Variants in TAFA1 observed in about 807,000 individuals in gnomAD.
TAFA1 encodes the protein TAFA chemokine like family member 1, also known as chemokine-like protein TAFA-1.
In TAFA1, 4 loss-of-function variants were observed where a neutral mutation model predicts 18.5. The observed-to-expected ratio is 0.22, with a 90% CI of 0.11 to 0.49. The LOEUF (loss-of-function observed/expected upper bound fraction) is 0.49. Among genes scored for constraint, TAFA1 ranks in the 20% least tolerant of loss-of-function variants. The pLI is 0.98. For missense variants in TAFA1, 147 were observed against 169.0 expected (o/e 0.87, Z 0.72); for synonymous variants, 56 against 55.2 (o/e 1.01, Z -0.06).
intron 2 of TAFA1, among the ~76,000 whole-genome samples, chr3:68,401,637 C>A (rs1385740653): frequency 1.3e-5 from 2 of 152,210 alleles, no homozygotes; most frequent in Admixed American, 1.3e-4. Flanking sequence ...GGAAAACAAT[C>A]TACTACTTCC....
intron 3 of TAFA1, among the ~76,000 whole-genome samples, chr3:68,472,503 TACACACACACACACAC>T (rs144677943): frequency 1.4e-5 from 2 of 141,206 alleles, no homozygotes; most frequent in South Asian, 2.2e-4. Context: ...TAGAACTAAA[TACACACACACACACAC>T]ACACACACAC....
chr3:68,000,708 T>C (rs1365881043), upstream of TAFA1, among the ~76,000 whole-genome samples: 1 of 152,204 alleles, frequency 6.6e-6, no homozygotes, highest in Non-Finnish European at 1.5e-5. Context: ...GGGAGGTACA[T>C]ACTCCAAGAC....
intron 2 of TAFA1, among the ~76,000 whole-genome samples, chr3:68,276,157 T>TA (rs141106318): frequency 0.07 from 9,971 of 142,456 alleles, 374 homozygotes; most frequent in East Asian, 0.13. Flanking sequence ...ATAACCCAAC[T>TA]AAAAAAAAAA....
intron 2 of TAFA1, among the ~76,000 whole-genome samples, chr3:68,240,135 A>G (rs1477428329): frequency 2.6e-5 from 4 of 152,194 alleles, no homozygotes; most frequent in Non-Finnish European, 4.4e-5. Flanking sequence ...TTTAGAAATG[A>G]TGAAGAGAAT....
chr3:68,322,084 C>G (rs1378157739), intron 2 of TAFA1, among the ~76,000 whole-genome samples: 2 of 152,124 alleles, frequency 1.3e-5, no homozygotes, highest in Admixed American at 6.6e-5. Context: ...AAATTTTAAA[C>G]CAAACTAGGC....
At chr3:68,282,419 A>AT (rs1418296924) in intron 2 of TAFA1, among the ~76,000 whole-genome samples, 1 of 123,928 alleles carries the variant, frequency 8.1e-6, no homozygotes, top group East Asian at 2.9e-4. Flanking sequence ...TAAATGTGTC[A>AT]TAAAAAAAAA....
intron 3 of TAFA1, among the ~76,000 whole-genome samples, chr3:68,500,571 T>C (rs1018669146): frequency 3.3e-5 from 5 of 152,126 alleles, no homozygotes; most frequent in African/African-American, 1.2e-4. Context: ...TTAATAAAGT[T>C]TTATTGTAAC....
At position 68,499,264 on chromosome 3, in the gene TAFA1, G is replaced by GAA. The variant is rs5849851; in HGVS notation, c.260-39483_260-39482dup. ...CATAGAAACTCTTTATATGTTAAAA[G>GAA]AAAAAAAAAAGCTACTTACTGCTTA... On this transcript the variant is annotated intron_variant, in intron 3 of 4. Coordinates refer to ENST00000478136, the MANE Select transcript of TAFA1 (RefSeq NM_213609.4). Among the ~76,000 whole-genome samples the GAA allele has an allele frequency of 6.6e-4, 98 of 148,278 alleles. 1 individual carries two copies. The East Asian group carries it at 0.014, about 21-fold the overall frequency.
At chr3:68,379,978 A>C (rs1222905758) in intron 2 of TAFA1, among the ~76,000 whole-genome samples, 7 of 151,548 alleles carry the variant, frequency 4.6e-5, no homozygotes, top group Non-Finnish European at 1.0e-4. Flanking sequence ...CATGTGTTCT[A>C]ATCGTTCAAC....
intron 2 of TAFA1, among the ~76,000 whole-genome samples, chr3:68,232,355 T>A (rs1209899772): frequency 6.6e-6 from 1 of 152,240 alleles, no homozygotes. Flanking sequence ...CTTAACATAA[T>A]GTCCTCCAGG....
At chr3:68,388,926 T>C (rs548003434) in intron 2 of TAFA1, among the ~76,000 whole-genome samples, 89 of 152,350 alleles carry the variant, frequency 5.8e-4, no homozygotes, top group African/African-American at 2.0e-3. Context: ...TCTTACAAGA[T>C]TAAGTTGTAA....
intron 2 of TAFA1, among the ~76,000 whole-genome samples, chr3:68,129,266 G>A (rs182104783): frequency 1.8e-4 from 27 of 152,246 alleles, no homozygotes; most frequent in Non-Finnish European, 3.1e-4. Context: ...TCTGTTCTCC[G>A]CTGCTACTTG....
Position 68,035,321 on chromosome 3 carries a change from T to C in TAFA1, c.118+28577T>C, listed in dbSNP as rs148946088. On this transcript the variant is annotated intron_variant, in intron 2 of 4. Coordinates refer to ENST00000478136, the MANE Select transcript of TAFA1 (RefSeq NM_213609.4). Reference sequence around the variant, plus strand: ...TTGCTAATAGTCATATACTCTGTCTTCTCAAACCCAAGGTTCTGTGTATAT... The same window carrying C: ...TTGCTAATAGTCATATACTCTGTCTCCTCAAACCCAAGGTTCTGTGTATAT... 1.7e-3 allele frequency among the ~76,000 whole-genome samples: 254 copies of C among 152,296 alleles called. 2 individuals carry two copies. Among genetic ancestry groups the C allele is most frequent in the African/African-American group, 6.0e-3 (248 of 41,564 alleles).
intron 2 of TAFA1, among the ~76,000 whole-genome samples, chr3:68,367,038 G>T (rs561155690): frequency 3.2e-4 from 49 of 152,244 alleles, no homozygotes; most frequent in African/African-American, 9.9e-4. Context: ...CCTTAAGCAG[G>T]AATAGGGATC....
At chr3:68,383,395 G>A (rs910707695) in intron 2 of TAFA1, among the ~76,000 whole-genome samples, 2 of 152,126 alleles carry the variant, frequency 1.3e-5, no homozygotes, top group East Asian at 1.9e-4. Flanking sequence ...TTAACATGAA[G>A]CAATGTTGAA....
At chr3:68,327,078 T>C (rs1282568582) in intron 2 of TAFA1, among the ~76,000 whole-genome samples, 3 of 152,190 alleles carry the variant, frequency 2.0e-5, no homozygotes, top group East Asian at 3.9e-4. Context: ...TTACAAGATA[T>C]GATGTTTTAT....
intron 2 of TAFA1, among the ~76,000 whole-genome samples, chr3:68,383,140 A>G (rs1344614520): frequency 6.6e-6 from 1 of 152,128 alleles, no homozygotes; most frequent in Non-Finnish European, 1.5e-5. Flanking sequence ...GGATCATGTC[A>G]TCAGCAGAGA....
intron 2 of TAFA1, among the ~76,000 whole-genome samples, chr3:68,083,377 A>G (rs976676178): frequency 3.9e-5 from 6 of 152,252 alleles, no homozygotes; most frequent in African/African-American, 1.4e-4. Flanking sequence ...ATTTTATGTG[A>G]AAAACATTTC....
chr3:67,994,021 G>A, the TAFA1 span, among the ~76,000 whole-genome samples: 1 of 152,140 alleles, frequency 6.6e-6, no homozygotes, highest in East Asian at 1.9e-4. Flanking sequence ...GGTTGGGGGT[G>A]AGCTGTGTGA....
Sources: allele counts gnomAD v4.1 joint callset (sites outside exome capture counted in the v4.1 genomes callset), GRCh38; gene constraint gnomAD v4.1.1; transcripts MANE v1.5; gene names NCBI Gene and HGNC (gene_info 2026-07-23, HGNC 2026-07-21).